The following DNAH14 variants were observed in gnomAD, a reference collection of about 807,000 sequenced individuals.
DNAH14 encodes the protein dynein axonemal heavy chain 14.
A neutral mutation model predicts 520.9 loss-of-function variants in DNAH14; 478 were observed. That is an observed-to-expected ratio of 0.92 (90% CI 0.85 to 0.99). The LOEUF (loss-of-function observed/expected upper bound fraction) is 0.99. DNAH14 is among the 50% of genes least tolerant of loss of function. The pLI is 0.00. For synonymous variants in DNAH14, 1,581 were observed against 1,757.2 expected (o/e 0.90, Z 2.51); for missense variants, 4,831 against 5,234.5 (o/e 0.92, Z 2.38).
chr1:225,281,677 A>G (rs1434520165), intron 54 of DNAH14, among the ~76,000 whole-genome samples: 1 of 152,202 alleles, frequency 6.6e-6, no homozygotes, highest in Non-Finnish European at 1.5e-5. Context: ...GGCTTATAAT[A>G]TATAAAGATG....
chr1:225,238,963 C>T (rs2091794053), intron 42 of DNAH14, among the ~76,000 whole-genome samples: 1 of 152,190 alleles, frequency 6.6e-6, no homozygotes, highest in South Asian at 2.1e-4. Context: ...CCTGGACTCT[C>T]CAGAGCCAGC....
At chr1:225,209,568 T>C (rs961522091) in intron 41 of DNAH14, among the ~76,000 whole-genome samples, 2 of 152,116 alleles carry the variant, frequency 1.3e-5, no homozygotes, top group Non-Finnish European at 2.9e-5. Flanking sequence ...GAATAATACC[T>C]AAGATTAAAG....
intron 41 of DNAH14, among the ~76,000 whole-genome samples, chr1:225,207,472 T>TAA (rs956951128): frequency 6.6e-6 from 1 of 152,158 alleles, no homozygotes; most frequent in African/African-American, 2.4e-5. Flanking sequence ...AGGGTCTCTA[T>TAA]TAAAGAAGAA....
chr1:225,226,593 A>G (rs568285145), intron 41 of DNAH14, among the ~76,000 whole-genome samples: 96 of 152,310 alleles, frequency 6.3e-4, no homozygotes, highest in Non-Finnish European at 1.0e-3. Flanking sequence ...TGGAGCCACC[A>G]TGGCCATTTT....
At position 225,313,862 on chromosome 1, in the gene DNAH14, G is replaced by A. The variant is rs561994405; in HGVS notation, c.9241-4721G>A. ...TGCTGAGTGTTTTACTTCCAATTATGTGATCGATTTTAGAATAAGTGCTAT... is the reference window on the plus strand; with the variant it reads ...TGCTGAGTGTTTTACTTCCAATTATATGATCGATTTTAGAATAAGTGCTAT... On this transcript the variant is annotated intron_variant, in intron 60 of 85. Coordinates refer to ENST00000682510, the MANE Select transcript of DNAH14 (RefSeq NM_001367479.1). Among the ~76,000 whole-genome samples, 12 of 152,258 alleles carry A rather than the reference G, an allele frequency of 7.9e-5. No individual in the cohort carries two copies. In the South Asian group the frequency reaches 2.3e-3, roughly 29 times the overall value.
intron 23 of DNAH14, among the ~76,000 whole-genome samples, chr1:225,113,078 T>C (rs763268000): frequency 1.3e-5 from 2 of 152,124 alleles, no homozygotes; most frequent in Non-Finnish European, 2.9e-5. Context: ...GTATTTATTG[T>C]AGTTTTGCAG....
chr1:225,303,494 C>G (rs1038744376), intron 57 of DNAH14, 147 bp downstream of exon 57: 12 of 671,284 alleles, frequency 1.8e-5, no homozygotes, highest in Admixed American at 3.3e-5. Context: ...TACAATGACT[C>G]CCTATTAATT....
intron 15 of DNAH14, among the ~76,000 whole-genome samples, chr1:225,046,368 G>A (rs886235057): frequency 1.6e-4 from 24 of 152,098 alleles, no homozygotes; most frequent in African/African-American, 5.5e-4. Flanking sequence ...CATAAGAGAG[G>A]ACTTCCCAAT....
intron 43 of DNAH14, among the ~76,000 whole-genome samples, chr1:225,242,955 A>C (rs182810804): frequency 6.6e-6 from 1 of 152,360 alleles, no homozygotes; most frequent in Admixed American, 6.5e-5. Flanking sequence ...TTGTTAAAAC[A>C]TCATTGTGTG....
chr1:225,155,066 T>C (rs1252523341), intron 34 of DNAH14, among the ~76,000 whole-genome samples: 1 of 151,988 alleles, frequency 6.6e-6, no homozygotes, highest in Non-Finnish European at 1.5e-5. Flanking sequence ...AGAATGCAAA[T>C]TAAAATGACA....
At chr1:225,209,720 G>T (rs2149443088) in intron 41 of DNAH14, among the ~76,000 whole-genome samples, 1 of 152,264 alleles carries the variant, frequency 6.6e-6, no homozygotes, top group Non-Finnish European at 1.5e-5. Flanking sequence ...TATGATTTAA[G>T]CATGAGAAGT....
rs193188516 is a variant in DNAH14, at chr1:225,396,593, T to C, written c.13492-1927T>C. 2.6e-5 allele frequency: 4 copies of C among 152,292 alleles called. No homozygotes were observed. The East Asian group carries it at 7.7e-4, about 29-fold the overall frequency. 9.4% of individuals were successfully genotyped at this position (152,292 alleles called of 1,614,324 possible). A position where few individuals can be genotyped will look rare whatever the true frequency, so the allele number is the denominator to read the frequency against. On this transcript the variant is annotated intron_variant, in intron 84 of 85. Coordinates refer to ENST00000682510, the MANE Select transcript of DNAH14 (RefSeq NM_001367479.1). ...GTGCACCAGGGCCTTTTCTTATGACTCACAGAGGGAGCACAGGGGTATGGA... is the reference window on the plus strand; with the variant it reads ...GTGCACCAGGGCCTTTTCTTATGACCCACAGAGGGAGCACAGGGGTATGGA...
intron 36 of DNAH14, among the ~76,000 whole-genome samples, chr1:225,169,009 C>A (rs535199140): frequency 4.2e-4 from 64 of 152,322 alleles, no homozygotes; most frequent in African/African-American, 1.5e-3. Context: ...TACTGTTCTG[C>A]AGCCTTCACT....
chr1:225,338,914 C>T (rs571067721), intron 68 of DNAH14, among the ~76,000 whole-genome samples: 7 of 152,266 alleles, frequency 4.6e-5, no homozygotes, highest in East Asian at 3.9e-4. Context: ...CCTTACCAAG[C>T]GGTGCTGACT....
intron 74 of DNAH14, 129 bp from the exon 75 acceptor site, chr1:225,360,552 C>T (rs535585657): frequency 1.1e-6 from 1 of 900,592 alleles, no homozygotes; most frequent in Admixed American, 2.9e-5. Flanking sequence ...GCTCTAATTT[C>T]AAAACCTGTA....
Position 225,259,281 on chromosome 1 carries a change from T to A in DNAH14, c.7157+28T>A, listed in dbSNP as rs2092849073. Reference sequence around the variant, plus strand: ...TGTATATACTAACTTCTAAATTTGATTTGTCTGATTTTAAAAAGTGTGCTT... The same window carrying A: ...TGTATATACTAACTTCTAAATTTGAATTGTCTGATTTTAAAAAGTGTGCTT... On this transcript the variant is annotated intron_variant, in intron 46 of 85. Transcript: ENST00000682510. 6 of 1,337,142 alleles carry A rather than the reference T, an allele frequency of 4.5e-6. No homozygotes were observed. The East Asian group carries it at 1.8e-4, about 39-fold the overall frequency. 82.8% of individuals were successfully genotyped at this position (1,337,142 alleles called of 1,614,324 possible). A position where few individuals can be genotyped will look rare whatever the true frequency, so the allele number is the denominator to read the frequency against.
At chr1:225,172,309 G>C (rs2082782049) in intron 36 of DNAH14, among the ~76,000 whole-genome samples, 1 of 152,186 alleles carries the variant, frequency 6.6e-6, no homozygotes, top group Non-Finnish European at 1.5e-5. Flanking sequence ...ATTAGGAAAA[G>C]AGGAAGTCAA....
At chr1:225,012,234 T>A (rs2064834803) in intron 10 of DNAH14, among the ~76,000 whole-genome samples, 1 of 152,216 alleles carries the variant, frequency 6.6e-6, no homozygotes. Context: ...GGAAATGAAA[T>A]TCTGGGTTGA....
chr1:225,230,892 T>G (rs745850027), intron 41 of DNAH14, among the ~76,000 whole-genome samples, 181 bp from the exon 42 acceptor site: 17 of 152,196 alleles, frequency 1.1e-4, no homozygotes, highest in Non-Finnish European at 2.5e-4. Flanking sequence ...TGTAAGAACA[T>G]TCTCTGCTCC....
Sources: gnomAD v4.1 joint callset for allele counts (sites outside exome capture counted in the v4.1 genomes callset) on GRCh38, gnomAD v4.1.1 for gene constraint, MANE v1.5 for transcripts, NCBI Gene and HGNC (gene_info 2026-07-23, HGNC 2026-07-21) for gene names.